Variants in ZYG11B observed in about 807,000 individuals in gnomAD.
The protein encoded by ZYG11B is zyg-11 family member B, cell cycle regulator, also known as protein zyg-11 homolog B.
In ZYG11B, 36 loss-of-function variants were observed where a neutral mutation model predicts 82.4. The ratio of observed to expected loss-of-function variants is 0.44; its 90% confidence interval spans 0.33 to 0.58. The LOEUF is 0.58. Ranked by LOEUF, ZYG11B falls within the 20% of genes least tolerant of loss-of-function variation. The pLI is 0.02. For missense variants in ZYG11B, 552 were observed against 895.6 expected (o/e 0.62, Z 4.90); for synonymous variants, 303 against 312.8 (o/e 0.97, Z 0.33).
chr1:52,766,344 C>T (rs1312926394), intron 2 of ZYG11B, among the ~76,000 whole-genome samples: 1 of 151,826 alleles, frequency 6.6e-6, no homozygotes, highest in East Asian at 1.9e-4. Flanking sequence ...TGGTCGCGAA[C>T]TCCTGACCTC....
chr1:52,742,841 C>CAAAA (rs746756692), intron 1 of ZYG11B, among the ~76,000 whole-genome samples: 2 of 100,138 alleles, frequency 2.0e-5, no homozygotes, highest in South Asian at 3.2e-4. Flanking sequence ...GCCTCCGTCT[C>CAAAA]AAAAAAAAAA....
intron 12 of ZYG11B, among the ~76,000 whole-genome samples, chr1:52,815,183 G>A (rs1645213046): frequency 6.6e-6 from 1 of 151,770 alleles, no homozygotes; most frequent in Non-Finnish European, 1.5e-5. Flanking sequence ...ATTTGGTTGG[G>A]GAAACAGTTT....
intron 2 of ZYG11B, among the ~76,000 whole-genome samples, chr1:52,770,086 A>ATT (rs1170340563): frequency 1.1e-4 from 8 of 72,778 alleles, no homozygotes; most frequent in Admixed American, 1.9e-4. Context: ...ATATATATAT[A>ATT]TATATATTTT....
chr1:52,773,439 A>G (rs990294290), intron 3 of ZYG11B, among the ~76,000 whole-genome samples: 6 of 148,936 alleles, frequency 4.0e-5, no homozygotes, highest in African/African-American at 1.5e-4. Context: ...GTGCCACTGC[A>G]CTCAAGCCTG....
chr1:52,776,229 A>AAAAAAATATAT, intron 3 of ZYG11B, among the ~76,000 whole-genome samples: 3 of 23,538 alleles, frequency 1.3e-4, no homozygotes, highest in African/African-American at 1.9e-4. Flanking sequence ...TAAAAAAAAA[A>AAAAAAATATAT]ATATATATAT....
chr1:52,767,019 ATT>A (rs1644696302), intron 2 of ZYG11B, among the ~76,000 whole-genome samples: 3 of 150,326 alleles, frequency 2.0e-5, no homozygotes, highest in East Asian at 1.9e-4. Context: ...AAAAAAAAAA[ATT>A]ATTTTATTTT....
chr1:52,778,443 T>C (rs1644827315), intron 3 of ZYG11B, among the ~76,000 whole-genome samples: 1 of 152,186 alleles, frequency 6.6e-6, no homozygotes, highest in African/African-American at 2.4e-5. Context: ...GCTGATTGTA[T>C]ACTAATGGTG....
intron 2 of ZYG11B, among the ~76,000 whole-genome samples, chr1:52,770,041 G>A (rs926773445): frequency 6.7e-6 from 1 of 149,210 alleles, no homozygotes; most frequent in Non-Finnish European, 1.5e-5. Context: ...TTCATCTGCA[G>A]GAGGGGGAGT....
At chr1:52,813,956 G>C in intron 12 of ZYG11B, 44 bp downstream of exon 12, 1 of 1,587,784 alleles carries the variant, frequency 6.3e-7, no homozygotes, top group South Asian at 1.1e-5. Context: ...ACCTAGTCTA[G>C]AGATCATTCC....
chr1:52,742,602 G>T (rs929684799), intron 1 of ZYG11B, among the ~76,000 whole-genome samples: 2 of 152,068 alleles, frequency 1.3e-5, no homozygotes, highest in Admixed American at 6.5e-5. Context: ...CAGCACTTTC[G>T]GAGGCGGAGG....
rs75956344 is a variant in ZYG11B at position 52,766,408 on chromosome 1, A to T, written c.197-4612A>T. Among the ~76,000 whole-genome samples the T allele has an allele frequency of 6.6e-3, 939 of 142,588 alleles. 5 individuals are homozygous for T. Among genetic ancestry groups the T allele is most frequent in the African/African-American group, 0.023 (887 of 38,234 alleles). The allele number at this position is 142,588 out of a possible 152,430, so 93.5% of individuals were successfully genotyped here. On this transcript the variant is annotated intron_variant, in intron 2 of 13. Transcript: ENST00000294353. ...TGCCACCGCGCCTGGTCTGTTACTC[A>T]TTTTTTTTCAAGCATATTTGTTTAC...
intron 1 of ZYG11B, among the ~76,000 whole-genome samples, chr1:52,741,376 A>G (rs563140612): frequency 6.6e-6 from 1 of 151,428 alleles, no homozygotes; most frequent in East Asian, 1.9e-4. Flanking sequence ...TTTTCCATGG[A>G]GTATTACGAT....
intron 1 of ZYG11B, among the ~76,000 whole-genome samples, chr1:52,750,182 C>G (rs1284561556): frequency 1.3e-5 from 2 of 152,108 alleles, no homozygotes; most frequent in African/African-American, 4.8e-5. Flanking sequence ...ACTGCAACCT[C>G]CGCCTCCGGG....
chr1:52,738,799 A>ACAAATACAAATTT (rs1350267739), intron 1 of ZYG11B, among the ~76,000 whole-genome samples: 1 of 151,370 alleles, frequency 6.6e-6, no homozygotes, highest in Non-Finnish European at 1.5e-5. Context: ...TTGTATTTTT[A>ACAAATACAAATTT]GTAGAGACGG....
intron 1 of ZYG11B, among the ~76,000 whole-genome samples, chr1:52,733,666 TCAA>T (rs1368030107): frequency 1.3e-4 from 20 of 152,258 alleles, no homozygotes; most frequent in African/African-American, 4.3e-4. Context: ...GTAAGATCAA[TCAA>T]TCAATCAATC....
intron 1 of ZYG11B, among the ~76,000 whole-genome samples, chr1:52,752,565 A>G (rs1644535497): frequency 6.6e-6 from 1 of 152,328 alleles, no homozygotes; most frequent in Admixed American, 6.5e-5. Context: ...TGTGAGTCAT[A>G]TTAGCAGATT....
intron 4 of ZYG11B, among the ~76,000 whole-genome samples, chr1:52,783,774 T>C (rs1644877366): frequency 1.1e-5 from 1 of 90,484 alleles, no homozygotes; most frequent in African/African-American, 3.9e-5. Context: ...AGGCGTGTAC[T>C]ACCATGCCCA....
chr1:52,823,957 C>T lies in ZYG11B; in HGVS notation c.*2328C>T, dbSNP rs1645304912. 6.6e-6 allele frequency: 1 copy of T among 151,970 alleles called. No homozygotes were observed. 9.4% of individuals were successfully genotyped at this position (151,970 alleles called of 1,614,324 possible). The stretch of plus-strand genomic sequence containing the variant: ...ACCACCCTGGCCAACGTGGTGAAAC[C>T]CCGTCTCTACTAAAAATACAAAAAC... On this transcript the variant is annotated 3_prime_UTR_variant, in exon 14 of 14. Coordinates refer to ENST00000294353, the MANE Select transcript of ZYG11B (RefSeq NM_024646.3).
intron 3 of ZYG11B, 123 bp from the exon 4 acceptor site, chr1:52,779,730 T>C: frequency 8.5e-7 from 1 of 1,169,760 alleles, no homozygotes; most frequent in Admixed American, 2.4e-5. Context: ...CTTCACATGA[T>C]CCACCCACCT....
Sources: gnomAD v4.1 joint callset for allele counts (sites outside exome capture counted in the v4.1 genomes callset) on GRCh38, gnomAD v4.1.1 for gene constraint, MANE v1.5 for transcripts, NCBI Gene and HGNC (gene_info 2026-07-23, HGNC 2026-07-21) for gene names.